CLASP2: variants seen among roughly 807,000 people sequenced by gnomAD.
CLASP2 encodes the protein CLIP-associating protein 2.
CLASP2 carries 47 observed loss-of-function variants against 194.4 expected under a neutral mutation model. The observed-to-expected ratio is 0.24, with a 90% CI of 0.19 to 0.31. CLASP2 has a LOEUF of 0.31. CLASP2 is among the 10% of genes least tolerant of loss of function. The pLI is 1.00. For missense variants in CLASP2, 1,445 were observed against 1,823.6 expected, an observed-to-expected ratio of 0.79 and a Z score of 3.78; for synonymous variants, 619 against 633.5, an observed-to-expected ratio of 0.98 and a Z score of 0.34.
intron 37 of CLASP2, chr3:33,502,850 T>C (rs113478939): frequency 9.8e-4 from 149 of 152,340 alleles, no homozygotes; most frequent in African/African-American, 3.5e-3. Flanking sequence ...AATTTTATTT[T>C]CCATCATTTT....
chr3:33,689,083 G>C (rs557322529), intron 3 of CLASP2, among the ~76,000 whole-genome samples: 1 of 151,274 alleles, frequency 6.6e-6, no homozygotes, highest in African/African-American at 2.4e-5. Context: ...ATCCTCTTTC[G>C]GTACTCAGTA....
intron 21 of CLASP2, 130 bp downstream of exon 21, chr3:33,592,265 A>C: frequency 1.4e-6 from 1 of 738,770 alleles, no homozygotes; most frequent in Non-Finnish European, 2.4e-6. Flanking sequence ...AGAACTCAGT[A>C]TGTGGCTTGT....
intron 18 of CLASP2, chr3:33,602,690 G>T: frequency 1.4e-6 from 1 of 694,020 alleles, no homozygotes; most frequent in East Asian, 2.7e-5. Flanking sequence ...AGATGTGGTA[G>T]AAGTGCAGTT....
chr3:33,601,881 G>A (rs1435693357), intron 18 of CLASP2, among the ~76,000 whole-genome samples: 1 of 152,020 alleles, frequency 6.6e-6, no homozygotes, highest in Non-Finnish European at 1.5e-5. Context: ...CTTCTAACAG[G>A]TTGAGTACTC....
chr3:33,678,228 C>T (rs578200922), intron 6 of CLASP2, among the ~76,000 whole-genome samples: 1 of 151,994 alleles, frequency 6.6e-6, no homozygotes, highest in South Asian at 2.1e-4. Context: ...TGGAGAATTT[C>T]CCAAATTAAT....
intron 7 of CLASP2, among the ~76,000 whole-genome samples, chr3:33,661,461 A>AT (rs1183276627): frequency 3.3e-5 from 5 of 152,222 alleles, no homozygotes; most frequent in Non-Finnish European, 7.3e-5. Context: ...AGCAGTGGAG[A>AT]TGGAAAAAAT....
chr3:33,624,470 A>G (rs1310528750), intron 10 of CLASP2, among the ~76,000 whole-genome samples: 1 of 152,134 alleles, frequency 6.6e-6, no homozygotes, highest in Non-Finnish European at 1.5e-5. Context: ...TACACAAAGA[A>G]CGACAATAAA....
chr3:33,634,782 A>T (rs1379494005), intron 8 of CLASP2, among the ~76,000 whole-genome samples: 2 of 152,180 alleles, frequency 1.3e-5, no homozygotes, highest in Admixed American at 1.3e-4. Context: ...GTACACAATA[A>T]ATATATATAA....
At chr3:33,532,142 T>C (rs1466931949) in intron 34 of CLASP2, among the ~76,000 whole-genome samples, 1 of 152,186 alleles carries the variant, frequency 6.6e-6, no homozygotes, top group Non-Finnish European at 1.5e-5. Context: ...AGTGGATGAA[T>C]GGATAAGCAA....
rs1044654928 is a variant in CLASP2 at position 33,511,747 on chromosome 3, G to A, written c.4111-983C>T. 3.6e-4 allele frequency among the ~76,000 whole-genome samples: 24 copies of A among 66,082 alleles called. 3 individuals carry two copies. The highest frequency in any genetic ancestry group is 1.8e-3 in the Admixed American group (8 of 4,518). 43.4% of individuals were successfully genotyped at this position (66,082 alleles called of 152,430 possible). On this transcript the variant is annotated intron_variant, in intron 36 of 38. Coordinates refer to ENST00000682230, the MANE Select transcript of CLASP2 (RefSeq NM_001365631.1). ...CAACCCCATCAAAAAGTGGGCGAAGGACATGAACAGACACTTCTCAAAAGA... is the reference window on the plus strand; with the variant it reads ...CAACCCCATCAAAAAGTGGGCGAAGAACATGAACAGACACTTCTCAAAAGA...
At chr3:33,641,237 A>G (rs2081222090) in intron 8 of CLASP2, among the ~76,000 whole-genome samples, 1 of 152,016 alleles carries the variant, frequency 6.6e-6, no homozygotes. Flanking sequence ...AAAATACTGT[A>G]AAGATATAAA....
intron 8 of CLASP2, among the ~76,000 whole-genome samples, chr3:33,633,561 G>T (rs542402693): frequency 1.3e-5 from 2 of 152,182 alleles, no homozygotes; most frequent in South Asian, 4.1e-4. Flanking sequence ...ATAGATTTGA[G>T]AACCGTCGAT....
At position 33,498,650 on chromosome 3, in the gene CLASP2, T is replaced by A; in HGVS notation, c.4502A>T (p.Asp1501Val). The change falls in exon 39 of 39, where the codon GAT becomes GTT. Residue 1501 changes from aspartate to valine, a missense_variant. By Grantham distance (152) the Asp-to-Val change is radical. Around this residue, in one of 4 missense-constraint regions of CLASP2, gnomAD observed 732 missense variants for 987.9 expected, o/e 0.74. Transcript: ENST00000682230. ...GCTTCACTAACTTTGTCCAGAAACATCAGTAGTGGGATCAGCTCCTCCAGA... is the reference window on the plus strand; with the variant it reads ...GCTTCACTAACTTTGTCCAGAAACAACAGTAGTGGGATCAGCTCCTCCAGA... ...TGSGGADPTT[D>V]VSGQS The A allele has an allele frequency of 6.2e-7, 1 of 1,612,536 alleles. No individual in the cohort carries two copies. The highest frequency in any genetic ancestry group is 1.1e-5 in the South Asian group (1 of 90,964).
At chr3:33,670,536 C>T (rs945369065) in intron 6 of CLASP2, among the ~76,000 whole-genome samples, 3 of 152,146 alleles carry the variant, frequency 2.0e-5, no homozygotes, top group South Asian at 2.1e-4. Context: ...AAACAAACTA[C>T]AAAATCAACA....
chr3:33,617,917 C>T (rs1176462028), intron 12 of CLASP2, among the ~76,000 whole-genome samples: 5 of 147,038 alleles, frequency 3.4e-5, no homozygotes, highest in Admixed American at 6.8e-5. Context: ...AAGAATGGTG[C>T]GGATAATTAT....
chr3:33,572,300 T>C (rs1424235827), intron 25 of CLASP2, among the ~76,000 whole-genome samples: 1 of 152,226 alleles, frequency 6.6e-6, no homozygotes, highest in African/African-American at 2.4e-5. Context: ...TGATGGTGGA[T>C]TGCAATGATT....
chr3:33,538,743 A>C, intron 33 of CLASP2, 46 bp downstream of exon 33: 1 of 1,421,872 alleles, frequency 7.0e-7, no homozygotes, highest in Non-Finnish European at 9.3e-7. Flanking sequence ...AAAATTATTA[A>C]TGAACAATAA....
At chr3:33,582,783 G>C (rs1199397544) in intron 22 of CLASP2, among the ~76,000 whole-genome samples, 1 of 152,190 alleles carries the variant, frequency 6.6e-6, no homozygotes, top group African/African-American at 2.4e-5. Context: ...CAGGGGTGAA[G>C]ACTGACTAAA....
At chr3:33,698,474 A>G (rs115833492) in intron 1 of CLASP2, among the ~76,000 whole-genome samples, 1 of 152,188 alleles carries the variant, frequency 6.6e-6, no homozygotes. Flanking sequence ...CAACCAGACC[A>G]GCAAGCATGA....
Sources: allele counts gnomAD v4.1 joint callset (sites outside exome capture counted in the v4.1 genomes callset), GRCh38; gene constraint gnomAD v4.1.1; regional missense constraint gnomAD v4.1.1; transcripts MANE v1.5; gene names NCBI Gene and HGNC (gene_info 2026-07-23, HGNC 2026-07-21).